TMTC4: variants seen among roughly 807,000 people sequenced by gnomAD.
TMTC4 encodes the protein transmembrane O-mannosyltransferase targeting cadherins 4, also known as protein O-mannosyl-transferase TMTC4.
In TMTC4, 65 loss-of-function variants were observed where a neutral mutation model predicts 86.0. That is an observed-to-expected ratio of 0.76 (90% CI 0.62 to 0.93). The LOEUF is 0.93. Ranked by LOEUF, TMTC4 falls within the 40% of genes least tolerant of loss-of-function variation. The pLI, the probability that TMTC4 is intolerant of heterozygous loss-of-function variation, is 0.00. For synonymous variants in TMTC4, 379 were observed against 382.5 expected (o/e 0.99, Z 0.11); for missense variants, 866 against 948.1 (o/e 0.91, Z 1.14).
chr13:100,657,753 C>T (rs1156292152), intron 5 of TMTC4, among the ~76,000 whole-genome samples: 5 of 152,176 alleles, frequency 3.3e-5, no homozygotes, highest in African/African-American at 1.2e-4. Context: ...AGAAAATATA[C>T]ACTGACTACG....
chr13:100,674,839 GCCCGCCGCGCACCCGACCCCCCC>G, upstream of TMTC4: 1 of 968,364 alleles, frequency 1.0e-6, no homozygotes, highest in Non-Finnish European at 1.2e-6. Flanking sequence ...GGGAGGGGCC[GCCCGCCGCGCACCCGACCCCCCC>G]CGCGCCGCGC....
At chr13:100,648,057 T>C (rs533561574) in intron 6 of TMTC4, among the ~76,000 whole-genome samples, 10 of 152,328 alleles carry the variant, frequency 6.6e-5, no homozygotes, top group Admixed American at 5.9e-4. Context: ...CATGAAAAGA[T>C]ATGAAAGATG....
intron 15 of TMTC4, among the ~76,000 whole-genome samples, chr13:100,621,086 C>T (rs996588327): frequency 4.6e-5 from 7 of 152,202 alleles, no homozygotes; most frequent in African/African-American, 1.7e-4. Context: ...AAAAGCAGTA[C>T]AAGGTCTCAA....
At chr13:100,655,204 T>C (rs1345463494) in intron 6 of TMTC4, among the ~76,000 whole-genome samples, 1 of 151,988 alleles carries the variant, frequency 6.6e-6, no homozygotes, top group Non-Finnish European at 1.5e-5. Flanking sequence ...GTACTTTTAG[T>C]AGAGATGAGG....
chr13:100,631,282 T>C (rs1478294719), intron 12 of TMTC4, among the ~76,000 whole-genome samples: 1 of 152,192 alleles, frequency 6.6e-6, no homozygotes, highest in East Asian at 1.9e-4. Flanking sequence ...CTAAACTAAT[T>C]TGTTATAAAT....
chr13:100,674,908 G>T (rs1010086791), upstream of TMTC4: 1 of 984,290 alleles, frequency 1.0e-6, no homozygotes, highest in Non-Finnish European at 1.2e-6. Context: ...GCGCCCCCCA[G>T]CACCAGTCTC....
chr13:100,668,442 G>T, intron 3 of TMTC4, 137 bp downstream of exon 3: 2 of 861,292 alleles, frequency 2.3e-6, no homozygotes, highest in Non-Finnish European at 3.6e-6. Flanking sequence ...TGAAAAGAGA[G>T]AAAAATCGAG....
intron 16 of TMTC4, among the ~76,000 whole-genome samples, chr13:100,613,731 C>T (rs72661056): frequency 0.12 from 18,015 of 151,894 alleles, 1,474 homozygotes; most frequent in Middle Eastern, 0.21. Flanking sequence ...CATTCACATT[C>T]CAGTATGTCT....
chr13:100,635,024 C>CT lies in TMTC4; in HGVS notation c.1373dup (p.Lys459GlufsTer28). 1 of 1,611,012 alleles carries CT rather than the reference C, an allele frequency of 6.2e-7. No individual in the cohort carries two copies. The highest frequency in any genetic ancestry group is 1.7e-5 in the Admixed American group (1 of 59,732). ...AGCTGGCACCACTCTCAGTTGATAC[C>CT]TTTTTCTTGGTATGTTTGCTCAGGG... On this transcript the variant is annotated frameshift_variant and splice_region_variant, in exon 11 of 19. Coordinates refer to ENST00000342624, the MANE Select transcript of TMTC4 (RefSeq NM_032813.5). LOFTEE classifies it high-confidence loss of function.
At chr13:100,673,640 G>C (rs976859627) in intron 1 of TMTC4, among the ~76,000 whole-genome samples, 11 of 152,204 alleles carry the variant, frequency 7.2e-5, no homozygotes, top group African/African-American at 2.2e-4. Flanking sequence ...CTAAGGTATC[G>C]TCCTGCTGTG....
intron 12 of TMTC4, among the ~76,000 whole-genome samples, chr13:100,632,543 T>G (rs535200323): frequency 6.6e-6 from 1 of 152,318 alleles, no homozygotes; most frequent in Non-Finnish European, 1.5e-5. Flanking sequence ...AATTTATTTT[T>G]GGTAGCATAA....
chr13:100,608,268 AG>A (rs1876976996), intron 17 of TMTC4, among the ~76,000 whole-genome samples: 1 of 152,222 alleles, frequency 6.6e-6, no homozygotes, highest in Non-Finnish European at 1.5e-5. Flanking sequence ...TGCTGAAGAC[AG>A]GGAAGGGCTC....
At chr13:100,614,955 T>C (rs2138728530) in intron 15 of TMTC4, 1 of 985,228 alleles carries the variant, frequency 1.0e-6, no homozygotes, top group South Asian at 4.7e-5. Context: ...TCAGGGCCTC[T>C]TCCTGCCTGT....
At chr13:100,663,597 C>A (rs577416703) in intron 4 of TMTC4, among the ~76,000 whole-genome samples, 1 of 152,172 alleles carries the variant, frequency 6.6e-6, no homozygotes, top group African/African-American at 2.4e-5. Flanking sequence ...CAAAAAAGGG[C>A]TCCTCATCAG....
In TMTC4 at chr13:100,634,709, C is replaced by A. The variant is rs150999805; in HGVS notation, c.1506+96G>T. ...CCAAGTATTCGGTCATGGTCTTACA[C>A]TAAATACTGCGCGACAGGAAATGTT... On this transcript the variant is annotated intron_variant, in intron 12 of 18. Transcript: ENST00000342624. 8.7e-5 allele frequency: 128 copies of A among 1,475,600 alleles called. 1 individual carries two copies. In the East Asian group the frequency reaches 1.0e-3, roughly 12 times the overall value. The allele number at this position is 1,475,600 out of a possible 1,614,324, so 91.4% of individuals were successfully genotyped here. A position where few individuals can be genotyped will look rare whatever the true frequency, so the allele number is the denominator to read the frequency against.
chr13:100,632,077 T>A (rs1881522175), intron 12 of TMTC4, among the ~76,000 whole-genome samples: 1 of 150,672 alleles, frequency 6.6e-6, no homozygotes, highest in Admixed American at 6.6e-5. Context: ...TCTCTCTCTC[T>A]CTCTCTCTCT....
At chr13:100,671,241 T>C (rs929100093) in intron 1 of TMTC4, among the ~76,000 whole-genome samples, 4 of 152,124 alleles carry the variant, frequency 2.6e-5, no homozygotes, top group Admixed American at 2.6e-4. Flanking sequence ...CAAGTAACCC[T>C]CCTGCCTCGG....
chr13:100,674,803 C>T (rs1387601743), upstream of TMTC4: 2 of 982,846 alleles, frequency 2.0e-6, no homozygotes, highest in Non-Finnish European at 2.4e-6. Context: ...TCTGGCGGCT[C>T]CAGGCACCCG....
chr13:100,623,535 T>C lies in TMTC4; in HGVS notation c.1836+2000A>G, dbSNP rs1424982437. 2.0e-5 allele frequency among the ~76,000 whole-genome samples: 3 copies of C among 152,278 alleles called. No homozygotes were observed. The East Asian group carries it at 5.8e-4, about 29-fold the overall frequency. On this transcript the variant is annotated intron_variant, in intron 15 of 18. Transcript: ENST00000342624. ...GGTATAAGCCACTGTGCCCAGTTTA[T>C]TATTGTTATTTTAAAACAGATTCTC...
Sources: allele counts gnomAD v4.1 joint callset (sites outside exome capture counted in the v4.1 genomes callset), GRCh38; gene constraint gnomAD v4.1.1; transcripts MANE v1.5; gene names NCBI Gene and HGNC (gene_info 2026-07-23, HGNC 2026-07-21).